The following NRG3 variants were observed in gnomAD, a reference collection of about 807,000 sequenced individuals.
The protein encoded by NRG3 is neuregulin 3.
In NRG3, 31 loss-of-function variants were observed where a neutral mutation model predicts 66.9. That is an observed-to-expected ratio of 0.46 (90% CI 0.35 to 0.63). The LOEUF is 0.63. NRG3 is among the 20% of genes least tolerant of loss of function. NRG3 has a pLI of 0.00. For missense variants in NRG3, 910 were observed against 878.9 expected (o/e 1.04, Z -0.45); for synonymous variants, 393 against 359.4 (o/e 1.09, Z -1.06).
intron 1 of NRG3, among the ~76,000 whole-genome samples, chr10:82,345,856 C>T (rs2082984356): frequency 6.6e-6 from 1 of 151,150 alleles, no homozygotes; most frequent in African/African-American, 2.4e-5. Context: ...CATGATTTGG[C>T]TCTCTGTTTA....
At chr10:82,926,715 A>G (rs970826455) in intron 4 of NRG3, among the ~76,000 whole-genome samples, 2 of 152,248 alleles carry the variant, frequency 1.3e-5, no homozygotes, top group Admixed American at 1.3e-4. Flanking sequence ...CAATAAGAGC[A>G]AAATAAGTAA....
chr10:82,661,537 G>T (rs570312259), intron 2 of NRG3, among the ~76,000 whole-genome samples: 1 of 151,972 alleles, frequency 6.6e-6, no homozygotes, highest in African/African-American at 2.4e-5. Flanking sequence ...ATTTCATAGG[G>T]CTACTAAAAT....
In NRG3 at chr10:82,976,078, T is replaced by TA. The variant is rs1368837427; in HGVS notation, c.1412+2164dup. 3.3e-5 allele frequency among the ~76,000 whole-genome samples: 5 copies of TA among 152,228 alleles called. No individual in the cohort carries two copies. In the East Asian group the frequency reaches 9.7e-4, roughly 29 times the overall value. On this transcript the variant is annotated intron_variant, in intron 7 of 8. Coordinates refer to ENST00000372141, the MANE Select transcript of NRG3 (RefSeq NM_001010848.4). ...TTTTATTATTTTATTTTTTTGGAGA[T>TA]AGAGTCTCGCTCTGTCACCCAGGCT...
At chr10:82,821,328 G>A (rs946628592) in intron 3 of NRG3, among the ~76,000 whole-genome samples, 1 of 152,026 alleles carries the variant, frequency 6.6e-6, no homozygotes, top group Non-Finnish European at 1.5e-5. Flanking sequence ...CTCTGAAAGG[G>A]CCTTTTTACA....
intron 1 of NRG3, among the ~76,000 whole-genome samples, chr10:82,090,608 C>T (rs1476429136): frequency 6.6e-6 from 1 of 152,088 alleles, no homozygotes; most frequent in Non-Finnish European, 1.5e-5. Flanking sequence ...CAGCATGATG[C>T]TGCCATATTT....
intron 2 of NRG3, among the ~76,000 whole-genome samples, chr10:82,603,671 G>GA (rs1030388477): frequency 8.0e-5 from 12 of 150,334 alleles, no homozygotes; most frequent in African/African-American, 1.9e-4. Flanking sequence ...ATTTATTTCT[G>GA]AAAAAAAAAG....
chr10:82,387,878 C>T lies in NRG3; in HGVS notation c.953+29010C>T, dbSNP rs2086110237. Among the ~76,000 whole-genome samples the T allele has an allele frequency of 2.0e-5, 3 of 152,148 alleles. No individual in the cohort carries two copies. In the South Asian group the frequency reaches 6.2e-4, roughly 32 times the overall value. On this transcript the variant is annotated intron_variant, in intron 2 of 8. Transcript: ENST00000372141. ...TGTTTGCTTTGGAAAGAATGCAGATCCTTTTCATTTATACAGAGATAATAT... is the reference window on the plus strand; with the variant it reads ...TGTTTGCTTTGGAAAGAATGCAGATTCTTTTCATTTATACAGAGATAATAT...
At chr10:82,353,516 CG>C in intron 1 of NRG3, among the ~76,000 whole-genome samples, 1 of 152,166 alleles carries the variant, frequency 6.6e-6, no homozygotes, top group East Asian at 1.9e-4. Context: ...ATGTATGCTA[CG>C]TGATGTGGAA....
intron 1 of NRG3, among the ~76,000 whole-genome samples, chr10:82,013,587 C>T (rs2061665992): frequency 6.6e-6 from 1 of 152,026 alleles, no homozygotes; most frequent in Admixed American, 6.6e-5. Flanking sequence ...AAAAATATTT[C>T]AGTGAATAAG....
At chr10:82,070,248 T>C (rs780128503) in intron 1 of NRG3, among the ~76,000 whole-genome samples, 111 of 152,054 alleles carry the variant, frequency 7.3e-4, no homozygotes, top group Non-Finnish European at 1.4e-3. Context: ...TTTTTCCACA[T>C]TGAGGGGGCC....
chr10:82,788,584 A>C (rs1168517758), intron 3 of NRG3, among the ~76,000 whole-genome samples: 1 of 152,176 alleles, frequency 6.6e-6, no homozygotes, highest in Non-Finnish European at 1.5e-5. Context: ...AAATTAAAAA[A>C]TGAAGAAAAA....
intron 1 of NRG3, among the ~76,000 whole-genome samples, chr10:81,968,414 A>G (rs2059808432): frequency 6.6e-6 from 1 of 152,186 alleles, no homozygotes; most frequent in South Asian, 2.1e-4. Context: ...GGTGTATTAC[A>G]CTACTTGCCA....
At chr10:82,092,119 T>C (rs915468485) in intron 1 of NRG3, among the ~76,000 whole-genome samples, 2 of 152,166 alleles carry the variant, frequency 1.3e-5, no homozygotes, top group Admixed American at 1.3e-4. Flanking sequence ...CTCAATCAAC[T>C]TTTACTATGA....
chr10:82,240,861 A>G (rs1295507488), intron 1 of NRG3, among the ~76,000 whole-genome samples: 1 of 152,046 alleles, frequency 6.6e-6, no homozygotes, highest in Non-Finnish European at 1.5e-5. Context: ...TGTGGAGGTC[A>G]TTTTATTTTT....
chr10:82,481,173 C>G (rs1590285692), intron 2 of NRG3, among the ~76,000 whole-genome samples: 1 of 152,192 alleles, frequency 6.6e-6, no homozygotes, highest in South Asian at 2.1e-4. Flanking sequence ...CTTACTATTT[C>G]TCTATCATAC....
At chr10:82,670,197 C>G (rs1211112130) in intron 2 of NRG3, among the ~76,000 whole-genome samples, 1 of 152,038 alleles carries the variant, frequency 6.6e-6, no homozygotes, top group African/African-American at 2.4e-5. Context: ...CTCTTATTTC[C>G]CACTACTCAT....
chr10:82,086,360 TCTTA>T (rs901509199), intron 1 of NRG3, among the ~76,000 whole-genome samples: 1 of 152,126 alleles, frequency 6.6e-6, no homozygotes, highest in Non-Finnish European at 1.5e-5. Flanking sequence ...AAATATCAGA[TCTTA>T]CTTTATTCAC....
At chr10:81,913,214 A>G (rs1354765062) in intron 1 of NRG3, among the ~76,000 whole-genome samples, 1 of 152,182 alleles carries the variant, frequency 6.6e-6, no homozygotes. Context: ...GTTATTTAGC[A>G]GAAGCTATAA....
intron 1 of NRG3, among the ~76,000 whole-genome samples, chr10:81,957,342 A>G (rs2133243031): frequency 6.6e-6 from 1 of 152,124 alleles, no homozygotes; most frequent in South Asian, 2.1e-4. Flanking sequence ...TCCCTCCTCA[A>G]AGCCTTTATA....
Sources: gnomAD v4.1 joint callset for allele counts (sites outside exome capture counted in the v4.1 genomes callset) on GRCh38, gnomAD v4.1.1 for gene constraint, MANE v1.5 for transcripts, NCBI Gene and HGNC (gene_info 2026-07-23, HGNC 2026-07-21) for gene names.